The following SPATA13 variants were observed in gnomAD, a reference collection of about 807,000 sequenced individuals.
SPATA13 encodes spermatogenesis associated 13.
SPATA13 carries 50 observed loss-of-function variants against 104.0 expected under a neutral mutation model. That is an observed-to-expected ratio of 0.48 (90% confidence interval 0.38 to 0.61). The LOEUF is 0.61. SPATA13 is among the 20% of genes least tolerant of loss of function. The probability of loss-of-function intolerance (pLI) is 0.00; values close to 1 mark genes in which losing one functional copy is unlikely to be tolerated. For synonymous variants in SPATA13, 606 were observed against 667.5 expected (o/e 0.91, Z 1.42); for missense variants, 1,524 against 1,690.6 (o/e 0.90, Z 1.73).
upstream of SPATA13, among the ~76,000 whole-genome samples, chr13:24,157,422 C>T (rs1882291508): frequency 1.3e-5 from 2 of 152,152 alleles, no homozygotes; most frequent in Non-Finnish European, 2.9e-5. Flanking sequence ...CCTTAGCCTC[C>T]GGAGTAGCTG....
rs1194590061 is a variant in SPATA13, at chr13:24,249,821, A to G, written c.1998A>G (p.Glu666=). The change falls in exon 3 of 13, where the codon GAA becomes GAG. Residue 666 remains glutamate, a synonymous_variant. Coordinates refer to ENST00000382108, the MANE Select transcript of SPATA13 (RefSeq NM_001166271.3). ...TGTATGGGACCAACCAGACGGAGGA[A>G]CTGGACAATCTTCTGACCCAAGTAA... ...VSLYGTNQTE[E]LDNLLTQPAS... The G allele has an allele frequency of 1.9e-6, 3 of 1,607,850 alleles. No homozygotes were observed. Among genetic ancestry groups the G allele is most frequent in the East Asian group, 2.2e-5 (1 of 44,828 alleles).
chr13:24,188,148 C>T (rs1017107791), intron 1 of SPATA13, among the ~76,000 whole-genome samples: 1 of 151,884 alleles, frequency 6.6e-6, no homozygotes, highest in African/African-American at 2.4e-5. Flanking sequence ...CGAGACCAGC[C>T]TGGGCAACAT....
At chr13:24,124,861 T>C (rs1280250025) in intron 3 of SPATA13, among the ~76,000 whole-genome samples, 1 of 152,182 alleles carries the variant, frequency 6.6e-6, no homozygotes, top group African/African-American at 2.4e-5. Flanking sequence ...TACTAGCATA[T>C]TGTCAGATTT....
At chr13:24,100,577 G>T (rs1326902538) in intron 3 of SPATA13, among the ~76,000 whole-genome samples, 1 of 152,114 alleles carries the variant, frequency 6.6e-6, no homozygotes, top group Non-Finnish European at 1.5e-5. Context: ...GATTTGATTT[G>T]AGTCTCTCCC....
At chr13:24,191,911 C>A (rs955970144) in intron 1 of SPATA13, among the ~76,000 whole-genome samples, 1 of 152,108 alleles carries the variant, frequency 6.6e-6, no homozygotes, top group Non-Finnish European at 1.5e-5. Flanking sequence ...GGGTTCTTGT[C>A]ACACAAGCAG....
In SPATA13 at chr13:24,306,162, C is replaced by T. The variant is rs1196689832; in HGVS notation, c.*3389C>T. On this transcript the variant is annotated 3_prime_UTR_variant, in exon 13 of 13. Transcript: ENST00000382108. ...TTCTTATTCAGAAAATCCCCCCATC[C>T]TACATGACTGTTATCTAGACATAAA... is the stretch of plus-strand genomic sequence containing the variant. 1 of 152,198 alleles carries T rather than the reference C, an allele frequency of 6.6e-6. No individual in the cohort carries two copies. Among genetic ancestry groups the T allele is most frequent in the African/African-American group, 2.4e-5 (1 of 41,434 alleles). The allele number at this position is 152,198 out of a possible 1,614,324, so 9.4% of individuals were successfully genotyped here. A position where few individuals can be genotyped will look rare whatever the true frequency, so the allele number is the denominator to read the frequency against.
rs60810328 is a variant in SPATA13, at chr13:24,077,262, C to CAAAAAAAAAAAAAAAAAAAAA, written c.-112+59565_-112+59585dup. ...CTGGCGACAGAGCGAGACTCCATGTCAAAAAAAAAAAAAAAAAAAAAAAAG... is the reference window on the plus strand; with the variant it reads ...CTGGCGACAGAGCGAGACTCCATGTCAAAAAAAAAAAAAAAAAAAAAAAAAAAAAAAAAAAAAAAAAAAAAG... On this transcript the variant is annotated intron_variant, in intron 3 of 14. Coordinates refer to the SPATA13 transcript ENST00000424834. 2.7e-5 allele frequency among the ~76,000 whole-genome samples: 2 copies of CAAAAAAAAAAAAAAAAAAAAA among 73,038 alleles called. 1 individual carries two copies. Among genetic ancestry groups the CAAAAAAAAAAAAAAAAAAAAA allele is most frequent in the Non-Finnish European group, 5.1e-5 (2 of 39,542 alleles). 47.9% of individuals were successfully genotyped at this position (73,038 alleles called of 152,430 possible). A position where few individuals can be genotyped will look rare whatever the true frequency, so the allele number is the denominator to read the frequency against.
intron 11 of SPATA13, among the ~76,000 whole-genome samples, chr13:24,298,193 G>A (rs1566203033): frequency 6.6e-6 from 1 of 152,082 alleles, no homozygotes; most frequent in African/African-American, 2.4e-5. Flanking sequence ...ACCCCACTAT[G>A]GTGACCATCA....
chr13:24,034,298 C>A (rs897969126), intron 3 of SPATA13: 1 of 152,170 alleles, frequency 6.6e-6, no homozygotes, highest in Non-Finnish European at 1.5e-5. Flanking sequence ...ACAGTGCTTG[C>A]TGAGTGAAGG....
chr13:24,074,352 C>G (rs1428722375), intron 3 of SPATA13, among the ~76,000 whole-genome samples: 1 of 152,212 alleles, frequency 6.6e-6, no homozygotes, highest in Non-Finnish European at 1.5e-5. Flanking sequence ...TTTTTTAAGG[C>G]TGAATAATAT....
At chr13:24,063,122 GCTC>G (rs1350474793) in intron 3 of SPATA13, among the ~76,000 whole-genome samples, 2 of 148,888 alleles carry the variant, frequency 1.3e-5, no homozygotes, top group African/African-American at 5.1e-5. Context: ...CCTGGACCAG[GCTC>G]CTTCTCCCAG....
intron 4 of SPATA13, among the ~76,000 whole-genome samples, chr13:24,258,670 C>CT (rs1485261093): frequency 6.6e-6 from 1 of 150,854 alleles, no homozygotes; most frequent in Non-Finnish European, 1.5e-5. Flanking sequence ...CTCCTCTCCG[C>CT]TAAAAAAAAA....
At chr13:24,254,721 TATC>T (rs1459946842) in intron 4 of SPATA13, among the ~76,000 whole-genome samples, 1 of 152,210 alleles carries the variant, frequency 6.6e-6, no homozygotes, top group East Asian at 1.9e-4. Context: ...CGGGGAACCG[TATC>T]ATCAGCTTTG....
intron 2 of SPATA13, among the ~76,000 whole-genome samples, chr13:24,016,685 G>A (rs572064561): frequency 6.6e-6 from 1 of 152,324 alleles, no homozygotes; most frequent in South Asian, 2.1e-4. Context: ...TGAGCTGCGT[G>A]TCCCCAGTGT....
At chr13:24,042,539 C>T (rs1431667122) in intron 3 of SPATA13, among the ~76,000 whole-genome samples, 4 of 152,220 alleles carry the variant, frequency 2.6e-5, no homozygotes, top group African/African-American at 9.6e-5. Context: ...CGTGGACTAA[C>T]TCACATCTCA....
chr13:24,152,596 C>CAG (rs1882128637), intron 3 of SPATA13, among the ~76,000 whole-genome samples: 1 of 152,256 alleles, frequency 6.6e-6, no homozygotes, highest in African/African-American at 2.4e-5. Flanking sequence ...ACAGCTCCCA[C>CAG]ATCCCCGTCT....
chr13:24,096,947 T>C, intron 3 of SPATA13, among the ~76,000 whole-genome samples: 1 of 152,166 alleles, frequency 6.6e-6, no homozygotes, highest in Non-Finnish European at 1.5e-5. Context: ...AGCTAGATTT[T>C]CCTTTTAAAA....
At chr13:24,132,502 T>G (rs181482392) in intron 3 of SPATA13, among the ~76,000 whole-genome samples, 266 of 152,330 alleles carry the variant, frequency 1.7e-3, no homozygotes, top group African/African-American at 5.8e-3. Flanking sequence ...ACCCCAAGCC[T>G]CAAATTGGGG....
intron 2 of SPATA13, among the ~76,000 whole-genome samples, chr13:24,245,686 G>A (rs1873095211): frequency 6.9e-6 from 1 of 145,308 alleles, no homozygotes; most frequent in African/African-American, 2.5e-5. Context: ...CCACCTCCTA[G>A]GCTCAAGCAA....
Sources: gnomAD v4.1 joint callset for allele counts (sites outside exome capture counted in the v4.1 genomes callset) on GRCh38, gnomAD v4.1.1 for gene constraint, MANE v1.5 for transcripts, NCBI Gene and HGNC (gene_info 2026-07-23, HGNC 2026-07-21) for gene names.